Variants in ASIC2 observed in about 807,000 individuals in gnomAD.
ASIC2 encodes the protein acid-sensing ion channel 2.
Under a neutral mutation model 57.3 loss-of-function variants are expected in ASIC2, and 25 were observed. That is an observed-to-expected ratio of 0.44 (90% CI 0.32 to 0.61). ASIC2 has a LOEUF of 0.61. Among genes scored for constraint, ASIC2 ranks in the 20% least tolerant of loss-of-function variants. The pLI is 0.06. For synonymous variants in ASIC2, 319 were observed against 307.5 expected (o/e 1.04, Z -0.39); for missense variants, 641 against 738.1 (o/e 0.87, Z 1.52).
At chr17:34,109,074 A>G (rs1228585768) in intron 1 of ASIC2, among the ~76,000 whole-genome samples, 1 of 149,954 alleles carries the variant, frequency 6.7e-6, no homozygotes, top group Non-Finnish European at 1.5e-5. Context: ...TATTATTATT[A>G]TACTTTAAGT....
intron 1 of ASIC2, among the ~76,000 whole-genome samples, chr17:33,389,638 A>G (rs564730285): frequency 2.9e-3 from 436 of 152,338 alleles, no homozygotes; most frequent in African/African-American, 0.01. Flanking sequence ...CATCTAGCCC[A>G]TTAGTTAAAT....
chr17:33,037,567 G>C (rs1272737413), intron 3 of ASIC2, among the ~76,000 whole-genome samples: 2 of 152,074 alleles, frequency 1.3e-5, no homozygotes, highest in Non-Finnish European at 2.9e-5. Flanking sequence ...CTGAAAGTGG[G>C]TTGGAGTATT....
intron 1 of ASIC2, chr17:34,002,897 T>G (rs1906391395): frequency 6.6e-6 from 1 of 152,226 alleles, no homozygotes; most frequent in African/African-American, 2.4e-5. Flanking sequence ...TTAATCTCAC[T>G]CCTGTCTTTC....
intron 1 of ASIC2, among the ~76,000 whole-genome samples, chr17:33,143,168 C>T (rs989152626): frequency 2.2e-4 from 33 of 152,230 alleles, no homozygotes; most frequent in South Asian, 4.2e-4. Flanking sequence ...TTGCTTAGAC[C>T]GCTGAGTCTT....
rs72819121 is a variant in ASIC2, at chr17:33,139,081, T to C, written c.709-27014A>G. ...AGGGCTGGACAATCCCTAAACCTCC[T>C]TCCAGCTCTCACCATCCATGGCTTT... On this transcript the variant is annotated intron_variant, in intron 1 of 9. Coordinates refer to ENST00000225823, the MANE Select transcript of ASIC2 (RefSeq NM_183377.2). Among the ~76,000 whole-genome samples the C allele has an allele frequency of 6.6e-3, 1,008 of 152,296 alleles. 3 individuals are homozygous for C. Among genetic ancestry groups the C allele is most frequent in the South Asian group, 0.011 (51 of 4,818 alleles).
At chr17:33,035,328 T>G (rs970588785) in intron 3 of ASIC2, among the ~76,000 whole-genome samples, 1 of 152,216 alleles carries the variant, frequency 6.6e-6, no homozygotes, top group African/African-American at 2.4e-5. Context: ...TTTATTTTTC[T>G]TTTCCTGTTT....
intron 1 of ASIC2, among the ~76,000 whole-genome samples, chr17:34,076,440 A>G (rs1312020519): frequency 1.3e-5 from 2 of 152,056 alleles, no homozygotes; most frequent in Admixed American, 1.3e-4. Context: ...TCCTTTCTCC[A>G]AGCTCATATC....
At chr17:34,125,633 CAGTGTATTTT>C (rs1911758115) in intron 1 of ASIC2, among the ~76,000 whole-genome samples, 1 of 152,120 alleles carries the variant, frequency 6.6e-6, no homozygotes, top group Non-Finnish European at 1.5e-5. Flanking sequence ...CAGATCCTCT[CAGTGTATTTT>C]AATAAATGAG....
At chr17:33,572,497 T>G (rs12943113) in intron 1 of ASIC2, among the ~76,000 whole-genome samples, 11,683 of 152,104 alleles carry the variant, frequency 0.077, 608 homozygotes, top group Non-Finnish European at 0.11. Flanking sequence ...ACCCATAGGC[T>G]TCCCCAAGCA....
intron 1 of ASIC2, among the ~76,000 whole-genome samples, chr17:33,143,776 G>A (rs150162832): frequency 1.2e-3 from 181 of 152,218 alleles, no homozygotes; most frequent in African/African-American, 3.8e-3. Flanking sequence ...CCAACCCTAA[G>A]CTAGTATTCC....
chr17:33,080,535 GTT>G (rs555636155), intron 3 of ASIC2, among the ~76,000 whole-genome samples: 1 of 151,180 alleles, frequency 6.6e-6, no homozygotes, highest in South Asian at 2.1e-4. Flanking sequence ...TATGTATCAT[GTT>G]TTTTTTTCCT....
chr17:33,834,995 A>C (rs1007746), intron 1 of ASIC2, among the ~76,000 whole-genome samples: 80,591 of 152,102 alleles, frequency 0.53, 21,685 homozygotes, highest in Non-Finnish European at 0.58. Context: ...CATATTTTCA[A>C]TAAATATTTA....
intron 1 of ASIC2, among the ~76,000 whole-genome samples, chr17:34,045,355 T>C (rs538235662): frequency 6.6e-6 from 1 of 152,324 alleles, no homozygotes; most frequent in African/African-American, 2.4e-5. Context: ...TAGCTACTTC[T>C]ACACGAATTA....
At chr17:33,799,163 T>C (rs1452065506) in intron 1 of ASIC2, among the ~76,000 whole-genome samples, 2 of 152,236 alleles carry the variant, frequency 1.3e-5, no homozygotes, top group Non-Finnish European at 2.9e-5. Flanking sequence ...CGCCTAGGGC[T>C]AGGTCAGAGC....
intron 1 of ASIC2, among the ~76,000 whole-genome samples, chr17:33,749,348 G>A (rs1910360745): frequency 6.6e-6 from 1 of 151,802 alleles, no homozygotes; most frequent in Non-Finnish European, 1.5e-5. Flanking sequence ...ACTGGGAGGA[G>A]AGCGGCGAGG....
chr17:33,860,188 A>C (rs1244531421), intron 1 of ASIC2, among the ~76,000 whole-genome samples: 1 of 152,220 alleles, frequency 6.6e-6, no homozygotes, highest in Non-Finnish European at 1.5e-5. Context: ...GAGATAAGGC[A>C]GGCATAATAC....
chr17:33,924,836 C>T (rs1462236888), intron 1 of ASIC2, among the ~76,000 whole-genome samples: 1 of 152,172 alleles, frequency 6.6e-6, no homozygotes, highest in Non-Finnish European at 1.5e-5. Flanking sequence ...CAACTGGAAC[C>T]CAGACTCTGC....
intron 3 of ASIC2, among the ~76,000 whole-genome samples, chr17:33,054,088 T>C (rs2091988462): frequency 6.6e-6 from 1 of 152,116 alleles, no homozygotes; most frequent in Non-Finnish European, 1.5e-5. Context: ...TCTACCCAGC[T>C]TTCAAGGCTC....
chr17:33,733,532 C>G (rs893035419), intron 1 of ASIC2, among the ~76,000 whole-genome samples: 2 of 152,206 alleles, frequency 1.3e-5, no homozygotes, highest in Non-Finnish European at 2.9e-5. Flanking sequence ...CATGTGCATA[C>G]ATTCCTCTCT....
Sources: gnomAD v4.1 joint callset for allele counts (sites outside exome capture counted in the v4.1 genomes callset) on GRCh38, gnomAD v4.1.1 for gene constraint, MANE v1.5 for transcripts, NCBI Gene and HGNC (gene_info 2026-07-23, HGNC 2026-07-21) for gene names.